TSC22D1: variants seen among roughly 807,000 people sequenced by gnomAD.
TSC22D1 encodes the protein TSC22 domain family member 1, also known as TSC22 domain family protein 1.
In TSC22D1, 9 loss-of-function variants were observed where a neutral mutation model predicts 74.2. That is an observed-to-expected ratio of 0.12 (90% CI 0.07 to 0.21). The LOEUF (loss-of-function observed/expected upper bound fraction) is 0.21. Ranked by LOEUF, TSC22D1 falls within the 10% of genes least tolerant of loss-of-function variation. TSC22D1 has a pLI of 1.00. For synonymous variants in TSC22D1, 586 were observed against 492.5 expected (o/e 1.19, Z -2.51); for missense variants, 1,427 against 1,304.7 (o/e 1.09, Z -1.44).
At chr13:44,449,101 T>C (rs1347127228) in intron 1 of TSC22D1, among the ~76,000 whole-genome samples, 3 of 152,120 alleles carry the variant, frequency 2.0e-5, no homozygotes, top group East Asian at 1.9e-4. Context: ...GGCTGCAGGG[T>C]TTCTGGGCCT....
At position 44,562,436 on chromosome 13, in the gene TSC22D1, C is replaced by T. The variant is rs1203015751; in HGVS notation, c.2912+10727G>A. On this transcript the variant is annotated intron_variant, in intron 1 of 2. Transcript: ENST00000458659. The stretch of plus-strand genomic sequence containing the variant: ...GTGCAAAAGGGCACCAACAAAGAAC[C>T]GAATAAACATTAGTATTGTGGCTCT... Among the ~76,000 whole-genome samples, 3 of 152,258 alleles carry T rather than the reference C, an allele frequency of 2.0e-5. No homozygotes were observed. In the South Asian group the frequency reaches 6.2e-4, roughly 32 times the overall value.
chr13:44,544,500 ACT>A (rs1052344907), intron 1 of TSC22D1, among the ~76,000 whole-genome samples: 2 of 151,442 alleles, frequency 1.3e-5, no homozygotes, highest in Non-Finnish European at 2.9e-5. Flanking sequence ...AATAGGGAAG[ACT>A]CTGAGCAAAG....
At position 44,517,768 on chromosome 13, in the gene TSC22D1, TATATATATACACATATATATAC is replaced by T. The variant is rs1314903550; in HGVS notation, c.2912+55373_2912+55394del. 9.0e-4 allele frequency among the ~76,000 whole-genome samples: 99 copies of T among 110,428 alleles called. 1 individual carries two copies. Among genetic ancestry groups the T allele is most frequent in the Non-Finnish European group, 1.7e-3 (88 of 50,862 alleles). 72.4% of individuals were successfully genotyped at this position (110,428 alleles called of 152,430 possible). ...ATACGTATATATGTGTGTGTGTATA[TATATATATACACATATATATAC>T]ATATATATACACACATATATATGTG... On this transcript the variant is annotated intron_variant, in intron 1 of 2. Transcript: ENST00000458659.
chr13:44,453,077 C>T (rs1489791302), intron 1 of TSC22D1, among the ~76,000 whole-genome samples: 1 of 152,118 alleles, frequency 6.6e-6, no homozygotes, highest in East Asian at 1.9e-4. Context: ...AGGAATTACC[C>T]AAGTTATTTT....
intron 1 of TSC22D1, among the ~76,000 whole-genome samples, chr13:44,463,716 T>C (rs370719106): frequency 2.6e-5 from 4 of 152,046 alleles, no homozygotes; most frequent in East Asian, 3.8e-4. Context: ...GAAGAAAAGG[T>C]TTTAAAGAAT....
chr13:44,566,525 GT>G (rs1883384332), intron 1 of TSC22D1, among the ~76,000 whole-genome samples: 1 of 151,996 alleles, frequency 6.6e-6, no homozygotes, highest in South Asian at 2.1e-4. Flanking sequence ...TAAAATTTAT[GT>G]ATTCATTAGA....
intron 1 of TSC22D1, among the ~76,000 whole-genome samples, chr13:44,535,418 T>C (rs1442082354): frequency 6.6e-6 from 1 of 152,048 alleles, no homozygotes; most frequent in Non-Finnish European, 1.5e-5. Context: ...ACTAAATTAC[T>C]ATGAAATATT....
intron 1 of TSC22D1, among the ~76,000 whole-genome samples, chr13:44,517,853 ATATATT>A (rs1566149923): frequency 7.3e-4 from 17 of 23,274 alleles, no homozygotes; most frequent in African/African-American, 1.5e-3. Context: ...ATATATATAT[ATATATT>A]TTTTTTTTTT....
At chr13:44,480,213 T>A (rs888001335) in intron 1 of TSC22D1, among the ~76,000 whole-genome samples, 5 of 152,212 alleles carry the variant, frequency 3.3e-5, no homozygotes, top group Admixed American at 1.3e-4. Context: ...ATCTTAAAAG[T>A]ATTTCATTTT....
rs1376750153 is a variant in TSC22D1, at chr13:44,535,130, T to G, written c.2912+38033A>C. Among the ~76,000 whole-genome samples the G allele has an allele frequency of 2.0e-5, 3 of 152,328 alleles. No individual in the cohort carries two copies. In the East Asian group the frequency reaches 5.8e-4, roughly 29 times the overall value. ...AGAGTTTTAAGAAAAATTATTTTCC[T>G]AATTCTCCATCTATCTGAAAACCCA... On this transcript the variant is annotated intron_variant, in intron 1 of 2. Transcript: ENST00000458659.
chr13:44,517,569 G>T (rs554371790), intron 1 of TSC22D1, among the ~76,000 whole-genome samples: 2 of 151,516 alleles, frequency 1.3e-5, no homozygotes, highest in East Asian at 3.9e-4. Flanking sequence ...TCCGGGCCAG[G>T]TGCGGTGGCT....
chr13:44,532,476 C>A, intron 1 of TSC22D1, among the ~76,000 whole-genome samples: 1 of 149,790 alleles, frequency 6.7e-6, no homozygotes, highest in East Asian at 1.9e-4. Context: ...AGAAGATCTA[C>A]AAAATCTTTT....
chr13:44,460,566 GAT>G (rs1484389835), intron 1 of TSC22D1, among the ~76,000 whole-genome samples: 6 of 152,056 alleles, frequency 3.9e-5, no homozygotes, highest in Non-Finnish European at 7.4e-5. Context: ...CCATTTATTT[GAT>G]GTCCTAAACT....
At chr13:44,453,776 TCAGA>T (rs1876346585) in intron 1 of TSC22D1, among the ~76,000 whole-genome samples, 1 of 152,232 alleles carries the variant, frequency 6.6e-6, no homozygotes, top group African/African-American at 2.4e-5. Flanking sequence ...CTAGACACCT[TCAGA>T]CAATTTATAT....
chr13:44,519,334 A>G (rs9533888), intron 1 of TSC22D1, among the ~76,000 whole-genome samples: 71,410 of 151,972 alleles, frequency 0.47, 16,848 homozygotes, highest in South Asian at 0.48. Flanking sequence ...CCAATTAGCT[A>G]TGCTAATAAG....
intron 1 of TSC22D1, among the ~76,000 whole-genome samples, chr13:44,556,285 A>G (rs927738851): frequency 2.6e-5 from 4 of 151,684 alleles, no homozygotes; most frequent in Admixed American, 6.6e-5. Flanking sequence ...GTGACTCAAC[A>G]CCTGTAATCC....
At chr13:44,441,130 G>C (rs1330716499) in intron 1 of TSC22D1, among the ~76,000 whole-genome samples, 1 of 152,190 alleles carries the variant, frequency 6.6e-6, no homozygotes, top group Non-Finnish European at 1.5e-5. Context: ...AGGAAAGGAA[G>C]GGAATCAGCA....
intron 1 of TSC22D1, chr13:44,539,423 G>C: frequency 1.0e-6 from 1 of 985,258 alleles, no homozygotes. Flanking sequence ...ATGAAATACA[G>C]AACCTTTTAA....
Position 44,500,738 on chromosome 13 carries a change from G to T in TSC22D1, c.2913-64643C>A, listed in dbSNP as rs564977783. ...CTCACTCTGCCACCCAGGCTGGAGTGCAGTGGCGCAATCATAGCTCACTGC... is the reference window on the plus strand; with the variant it reads ...CTCACTCTGCCACCCAGGCTGGAGTTCAGTGGCGCAATCATAGCTCACTGC... On this transcript the variant is annotated intron_variant, in intron 1 of 2. Transcript: ENST00000458659. 9.7e-4 allele frequency among the ~76,000 whole-genome samples: 148 copies of T among 152,314 alleles called. 1 individual carries two copies. Among genetic ancestry groups the T allele is most frequent in the Middle Eastern group, 3.4e-3 (1 of 294 alleles).
Sources: gnomAD v4.1 joint callset for allele counts (sites outside exome capture counted in the v4.1 genomes callset) on GRCh38, gnomAD v4.1.1 for gene constraint, MANE v1.5 for transcripts, NCBI Gene and HGNC (gene_info 2026-07-23, HGNC 2026-07-21) for gene names.